Variants in APP observed in about 807,000 individuals in gnomAD.
APP encodes amyloid-beta precursor protein.
Under a neutral mutation model 101.4 loss-of-function variants are expected in APP, and 31 were observed. The observed-to-expected ratio is 0.31, with a 90% CI of 0.23 to 0.41. The LOEUF (loss-of-function observed/expected upper bound fraction) is 0.41. Ranked by LOEUF, APP falls within the 10% of genes least tolerant of loss-of-function variation. The probability of loss-of-function intolerance (pLI) is 1.00; values close to 1 mark genes in which losing one functional copy is unlikely to be tolerated. For synonymous variants in APP, 366 were observed against 364.4 expected, an observed-to-expected ratio of 1.00 and a Z score of -0.05; for missense variants, 839 against 1,003.7, an observed-to-expected ratio of 0.84 and a Z score of 2.22.
chr21:25,882,045 A>G (rs1483565808), intron 17 of APP, among the ~76,000 whole-genome samples: 2 of 152,120 alleles, frequency 1.3e-5, no homozygotes, highest in African/African-American at 2.4e-5. Context: ...CCAACTCCAC[A>G]GTAAGTGGAT....
At chr21:25,951,040 G>A (rs1233079183) in intron 13 of APP, among the ~76,000 whole-genome samples, 1 of 152,180 alleles carries the variant, frequency 6.6e-6, no homozygotes, top group Non-Finnish European at 1.5e-5. Flanking sequence ...GATTCAGTAC[G>A]CTGGCTGTGG....
At chr21:26,139,499 G>A (rs948422487) in intron 1 of APP, among the ~76,000 whole-genome samples, 35 of 152,106 alleles carry the variant, frequency 2.3e-4, no homozygotes, top group Non-Finnish European at 4.4e-5. Context: ...CCCAGAAAAC[G>A]GTTTGAGAAC....
intron 1 of APP, among the ~76,000 whole-genome samples, chr21:26,127,196 A>G: frequency 1.1e-5 from 1 of 88,904 alleles, no homozygotes; most frequent in Non-Finnish European, 1.9e-5. Context: ...TCCAGCTTTC[A>G]TTTAAAAAAA....
At chr21:26,000,209 C>G (rs1172197225) in intron 6 of APP, 27 bp from the exon 7 acceptor site, 1 of 1,613,620 alleles carries the variant, frequency 6.2e-7, no homozygotes, top group African/African-American at 1.3e-5. Flanking sequence ...TGGGGAACCA[C>G]ATTTAGCATG....
chr21:26,043,297 G>A (rs1320061716), intron 5 of APP, among the ~76,000 whole-genome samples: 3 of 151,808 alleles, frequency 2.0e-5, no homozygotes, highest in African/African-American at 4.8e-5. Flanking sequence ...GTGCAGTGGT[G>A]CGATCTCAGC....
rs2062250667 is a variant in APP, at chr21:26,109,047, G to A, written c.225+2932C>T. On this transcript the variant is annotated intron_variant, in intron 2 of 17. Transcript: ENST00000346798. ...CGCCTAATGTTGAAGAATCTGGCTGGTGTGTATCATCCAACAAGACTTCCG... is the reference window on the plus strand; with the variant it reads ...CGCCTAATGTTGAAGAATCTGGCTGATGTGTATCATCCAACAAGACTTCCG... 2.6e-5 allele frequency among the ~76,000 whole-genome samples: 4 copies of A among 152,124 alleles called. No individual in the cohort carries two copies. The South Asian group carries it at 8.3e-4, about 32-fold the overall frequency.
chr21:26,160,061 C>T (rs1013818649), intron 1 of APP, among the ~76,000 whole-genome samples: 8 of 132,178 alleles, frequency 6.1e-5, no homozygotes, highest in Non-Finnish European at 1.1e-4. Context: ...AGTGTTAAGG[C>T]CACCTCTGTC....
At chr21:25,994,961 T>C (rs113814418) in intron 8 of APP, among the ~76,000 whole-genome samples, 70 of 152,324 alleles carry the variant, frequency 4.6e-4, no homozygotes, top group African/African-American at 1.5e-3. Context: ...ATAGTCTCTG[T>C]AGGCAGACAA....
At chr21:25,908,623 G>A (rs2038908512) in intron 14 of APP, among the ~76,000 whole-genome samples, 1 of 150,444 alleles carries the variant, frequency 6.6e-6, no homozygotes, top group Non-Finnish European at 1.5e-5. Context: ...AGGATACATT[G>A]TTGAGGCCAT....
intron 3 of APP, among the ~76,000 whole-genome samples, chr21:26,084,583 G>A (rs920160075): frequency 2.0e-5 from 3 of 152,150 alleles, no homozygotes; most frequent in African/African-American, 7.2e-5. Flanking sequence ...AAATGGAAGA[G>A]GGCTTCACTT....
In APP at chr21:25,897,581, G is replaced by C. The variant is rs1389784830; in HGVS notation, c.2056C>G (p.Gln686Glu). The C allele has an allele frequency of 2.5e-6, 4 of 1,611,638 alleles. No individual in the cohort carries two copies. The highest frequency in any genetic ancestry group is 3.4e-6 in the Non-Finnish European group (4 of 1,177,792). Residue 686 changes from glutamine (Q) to glutamate (E), a missense_variant, in exon 16 of 18, where the codon CAA becomes GAA. Physicochemically the swap from Gln to Glu is conservative, Grantham distance 29. Coordinates refer to ENST00000346798, the MANE Select transcript of APP (RefSeq NM_000484.4). ...RHDSGYEVHH[Q>E]KLVFFAEDVG... The stretch of plus-strand genomic sequence containing the variant: ...TAAATTATTTTACGTACCAATTTTT[G>C]ATGATGAACTTCATATCCTGAGTCA...
Position 26,011,669 on chromosome 21 carries a change from C to T in APP, c.865+10171G>A, listed in dbSNP as rs1046220437. 2.0e-5 allele frequency among the ~76,000 whole-genome samples: 3 copies of T among 152,136 alleles called. No homozygotes were observed. The East Asian group carries it at 5.8e-4, about 29-fold the overall frequency. Reference sequence around the variant, plus strand: ...AAGGATTCGTGATGCATTTTAGTAACTTTGCCCACCAAGACTACTGGGCAG... The same window carrying T: ...AAGGATTCGTGATGCATTTTAGTAATTTTGCCCACCAAGACTACTGGGCAG... On this transcript the variant is annotated intron_variant, in intron 6 of 17. Transcript: ENST00000346798.
chr21:26,151,820 C>A (rs558690917), intron 1 of APP, among the ~76,000 whole-genome samples: 1 of 152,186 alleles, frequency 6.6e-6, no homozygotes, highest in East Asian at 1.9e-4. Flanking sequence ...GCTCCTAACA[C>A]GCCACAGACC....
intron 1 of APP, chr21:26,140,411 C>T (rs1313739732): frequency 3.6e-6 from 5 of 1,373,028 alleles, no homozygotes; most frequent in African/African-American, 1.5e-5. Context: ...CACACGCACA[C>T]TGCGCCAACT....
At chr21:26,145,260 G>A (rs1442458353) in intron 1 of APP, among the ~76,000 whole-genome samples, 1 of 152,118 alleles carries the variant, frequency 6.6e-6, no homozygotes, top group South Asian at 2.1e-4. Flanking sequence ...TTGGCACCAG[G>A]GACTGGTTTT....
At chr21:26,134,846 C>T (rs1377186987) in intron 1 of APP, among the ~76,000 whole-genome samples, 2 of 152,164 alleles carry the variant, frequency 1.3e-5, no homozygotes, top group Non-Finnish European at 2.9e-5. Context: ...TGTCAGGAAA[C>T]ATATACATCA....
chr21:25,997,026 C>T (rs2043082775), intron 8 of APP, among the ~76,000 whole-genome samples: 1 of 152,216 alleles, frequency 6.6e-6, no homozygotes, highest in South Asian at 2.1e-4. Context: ...TAAGCCTGCT[C>T]TCAGTTACAC....
chr21:26,165,231 C>T (rs941891450), intron 1 of APP, among the ~76,000 whole-genome samples: 3 of 152,226 alleles, frequency 2.0e-5, no homozygotes, highest in Non-Finnish European at 4.4e-5. Context: ...AGGAAACTTA[C>T]ATATACCCAT....
intron 1 of APP, among the ~76,000 whole-genome samples, chr21:26,126,021 C>T (rs2062675045): frequency 1.3e-5 from 2 of 152,204 alleles, no homozygotes; most frequent in South Asian, 2.1e-4. Flanking sequence ...AAATAACAAA[C>T]TGTACAATCT....
Sources: gnomAD v4.1 joint callset for allele counts (sites outside exome capture counted in the v4.1 genomes callset) on GRCh38, gnomAD v4.1.1 for gene constraint, MANE v1.5 for transcripts, NCBI Gene and HGNC (gene_info 2026-07-23, HGNC 2026-07-21) for gene names.